Variants in CDH13 observed in about 807,000 individuals in gnomAD.
CDH13 encodes cadherin 13, also known as cadherin-13.
Under a neutral mutation model 63.8 loss-of-function variants are expected in CDH13, and 24 were observed. The observed-to-expected ratio is 0.38, with a 90% CI of 0.27 to 0.53. The LOEUF (loss-of-function observed/expected upper bound fraction) is 0.53, where lower values mean the gene tolerates loss of function less well. Ranked by LOEUF, CDH13 falls within the 20% of genes least tolerant of loss-of-function variation. The probability of loss-of-function intolerance (pLI) is 0.85; values close to 1 mark genes in which losing one functional copy is unlikely to be tolerated. For synonymous variants in CDH13, 503 were observed against 355.3 expected, an observed-to-expected ratio of 1.42 and a Z score of -4.67; for missense variants, 1,049 against 903.1, an observed-to-expected ratio of 1.16 and a Z score of -2.07.
intron 6 of CDH13, among the ~76,000 whole-genome samples, chr16:83,461,210 A>T (rs2073173401): frequency 6.6e-6 from 1 of 152,202 alleles, no homozygotes; most frequent in East Asian, 1.9e-4. Context: ...ATATAGGTAC[A>T]TATACACATA....
chr16:83,297,339 C>G (rs1317471394), intron 5 of CDH13, among the ~76,000 whole-genome samples: 3 of 151,884 alleles, frequency 2.0e-5, no homozygotes, highest in Non-Finnish European at 4.4e-5. Flanking sequence ...TCACATTGTA[C>G]CACATAAATT....
At chr16:83,734,411 G>A (rs1308858912) in intron 10 of CDH13, among the ~76,000 whole-genome samples, 1 of 152,066 alleles carries the variant, frequency 6.6e-6, no homozygotes. Context: ...GCACCAGAGA[G>A]GAAATGTAAC....
intron 5 of CDH13, among the ~76,000 whole-genome samples, chr16:83,250,787 G>A (rs941980152): frequency 2.6e-5 from 4 of 152,192 alleles, no homozygotes; most frequent in African/African-American, 9.6e-5. Context: ...TAGAATTCCA[G>A]GCAGGATACA....
chr16:83,304,862 CTCTG>C (rs2151879832), intron 5 of CDH13, among the ~76,000 whole-genome samples: 1 of 152,276 alleles, frequency 6.6e-6, no homozygotes, highest in Admixed American at 6.5e-5. Flanking sequence ...CCTTTCCTCT[CTCTG>C]TCTCTCTCCC....
chr16:83,712,218 C>G (rs1280609575), intron 10 of CDH13, among the ~76,000 whole-genome samples: 1 of 152,146 alleles, frequency 6.6e-6, no homozygotes, highest in Non-Finnish European at 1.5e-5. Flanking sequence ...AGAACAGGCA[C>G]CACTAAAATT....
At chr16:83,264,276 T>G (rs1257527996) in intron 5 of CDH13, among the ~76,000 whole-genome samples, 1 of 152,222 alleles carries the variant, frequency 6.6e-6, no homozygotes, top group East Asian at 1.9e-4. Flanking sequence ...AGTCAAACTT[T>G]CTGTTGGATC....
chr16:82,721,171 G>A (rs985526255), intron 1 of CDH13, among the ~76,000 whole-genome samples: 7 of 152,096 alleles, frequency 4.6e-5, no homozygotes, highest in Admixed American at 3.9e-4. Flanking sequence ...TGTTGCTGAT[G>A]ATATTAAAAC....
intron 5 of CDH13, among the ~76,000 whole-genome samples, chr16:83,280,277 T>A (rs775535165): frequency 2.0e-5 from 3 of 152,214 alleles, no homozygotes; most frequent in Non-Finnish European, 2.9e-5. Context: ...TTCTAAACTC[T>A]TTTTTGTCAT....
chr16:83,103,517 A>T (rs1473424896), intron 3 of CDH13, among the ~76,000 whole-genome samples: 2 of 152,154 alleles, frequency 1.3e-5, no homozygotes, highest in African/African-American at 4.8e-5. Context: ...AAGTACTGAG[A>T]TTACAGGCAT....
At chr16:83,309,667 G>A (rs377043227) in intron 5 of CDH13, among the ~76,000 whole-genome samples, 5 of 152,306 alleles carry the variant, frequency 3.3e-5, no homozygotes, top group African/African-American at 4.8e-5. Context: ...GAGCCGCCAC[G>A]CCCAGCCCCC....
At chr16:82,666,065 C>T (rs912912532) in intron 1 of CDH13, among the ~76,000 whole-genome samples, 3 of 152,116 alleles carry the variant, frequency 2.0e-5, no homozygotes, top group Non-Finnish European at 4.4e-5. Flanking sequence ...CTCCCAGAAC[C>T]TTTATGAGAG....
At chr16:83,128,106 C>T (rs751204943) in intron 4 of CDH13, among the ~76,000 whole-genome samples, 1 of 152,324 alleles carries the variant, frequency 6.6e-6, no homozygotes, top group East Asian at 1.9e-4. Context: ...CTTCTCAGCT[C>T]TCACCATGCA....
At chr16:83,349,336 T>A (rs2090903464) in intron 6 of CDH13, among the ~76,000 whole-genome samples, 1 of 152,122 alleles carries the variant, frequency 6.6e-6, no homozygotes, top group Non-Finnish European at 1.5e-5. Flanking sequence ...CTCTTGAAAT[T>A]CCTGGAGGGC....
chr16:83,337,994 T>C (rs1295864251), intron 5 of CDH13, among the ~76,000 whole-genome samples: 1 of 151,878 alleles, frequency 6.6e-6, no homozygotes, highest in Non-Finnish European at 1.5e-5. Flanking sequence ...GTGAGGGGAA[T>C]GTGAGTGTTA....
At chr16:82,766,403 AC>A (rs1394770452) in intron 1 of CDH13, among the ~76,000 whole-genome samples, 3 of 152,222 alleles carry the variant, frequency 2.0e-5, no homozygotes, top group Non-Finnish European at 2.9e-5. Flanking sequence ...GGAATATTCT[AC>A]CTTGCCAAGG....
chr16:83,762,954 G>C (rs147993587), intron 11 of CDH13, among the ~76,000 whole-genome samples: 15 of 152,176 alleles, frequency 9.9e-5, no homozygotes, highest in Non-Finnish European at 1.9e-4. Context: ...AGGTGTCCCT[G>C]TTAGTTCCCC....
At chr16:83,417,161 G>A (rs918812325) in intron 6 of CDH13, among the ~76,000 whole-genome samples, 5 of 152,164 alleles carry the variant, frequency 3.3e-5, no homozygotes, top group Non-Finnish European at 5.9e-5. Flanking sequence ...GTTTCCCCAA[G>A]ATCAAAGAGT....
At chr16:83,755,619 T>C (rs558989345) in intron 11 of CDH13, among the ~76,000 whole-genome samples, 1 of 152,180 alleles carries the variant, frequency 6.6e-6, no homozygotes, top group Non-Finnish European at 1.5e-5. Context: ...GACTTCTAGA[T>C]AGAAATAATG....
chr16:83,347,858 T>C (rs2090871667), intron 6 of CDH13, among the ~76,000 whole-genome samples: 1 of 152,170 alleles, frequency 6.6e-6, no homozygotes, highest in Non-Finnish European at 1.5e-5. Context: ...CTGTCTACAA[T>C]AGCCCGCATT....
Sources: allele counts gnomAD v4.1 joint callset (sites outside exome capture counted in the v4.1 genomes callset), GRCh38; gene constraint gnomAD v4.1.1; transcripts MANE v1.5; gene names NCBI Gene and HGNC (gene_info 2026-07-23, HGNC 2026-07-21).